The following SCART1 variants were observed in gnomAD, a reference collection of about 807,000 sequenced individuals.
The protein encoded by SCART1 is scavenger receptor cysteine-rich domain-containing protein SCART1.
A neutral mutation model predicts 36.2 loss-of-function variants in SCART1; 62 were observed. The observed-to-expected ratio is 1.71, with a 90% CI of 1.40 to 2.12. The LOEUF is 2.12. Ranked by LOEUF, SCART1 falls within the 30% of genes most tolerant of loss-of-function variation. SCART1 has a pLI of 0.00. For missense variants in SCART1, 1,041 were observed against 540.5 expected (o/e 1.93, Z -9.18); for synonymous variants, 487 against 238.7 (o/e 2.04, Z -9.59).
chr10:133,466,626 CT>C (rs1471701793), intron 10 of SCART1, among the ~76,000 whole-genome samples: 2 of 152,248 alleles, frequency 1.3e-5, no homozygotes, highest in African/African-American at 2.4e-5. Context: ...TGGATGGCCT[CT>C]AGCTGAGACG....
At chr10:133,455,369 A>C (rs1850595792) in intron 1 of SCART1, among the ~76,000 whole-genome samples, 1 of 152,038 alleles carries the variant, frequency 6.6e-6, no homozygotes, top group Non-Finnish European at 1.5e-5. Context: ...ATGGATGAAG[A>C]CTGAGAGAGA....
chr10:133,465,758 C>A (rs1321225418), intron 9 of SCART1, 193 bp downstream of exon 9: 1 of 667,862 alleles, frequency 1.5e-6, no homozygotes, highest in Non-Finnish European at 2.7e-6. Context: ...CCTGGGGTTT[C>A]CCCCTAATCT....
intron 1 of SCART1, among the ~76,000 whole-genome samples, chr10:133,455,803 A>T (rs1438146107): frequency 2.0e-5 from 3 of 151,834 alleles, no homozygotes; most frequent in Non-Finnish European, 2.9e-5. Flanking sequence ...AGAGGACAGG[A>T]CCGAAGGGTG....
At chr10:133,465,051 C>A in intron 7 of SCART1, 55 bp from the exon 8 acceptor site, 1 of 702,330 alleles carries the variant, frequency 1.4e-6, no homozygotes, top group Non-Finnish European at 2.6e-6. Flanking sequence ...CCACAGCCTT[C>A]CTTGTGAAGC....
intron 3 of SCART1, chr10:133,457,878 C>G (rs191243013): frequency 4.9e-5 from 26 of 532,442 alleles, no homozygotes; most frequent in Admixed American, 2.8e-4. Context: ...TAACATGGAT[C>G]GGGGTTGGGT....
chr10:133,467,411 C>A, intron 11 of SCART1, 58 bp downstream of exon 11: 1 of 656,666 alleles, frequency 1.5e-6, no homozygotes, highest in Non-Finnish European at 2.8e-6. Flanking sequence ...ATGCTGACCA[C>A]AAGATGCAGT....
chr10:133,459,214 G>T, exon 5 of SCART1: 1 of 700,908 alleles, frequency 1.4e-6, no homozygotes, highest in Non-Finnish European at 2.6e-6. Flanking sequence ...CTGCCATCTG[G>T]CCTGATGCCT....
chr10:133,456,462 G>A (rs760408125), exon 2 of SCART1: 17 of 702,006 alleles, frequency 2.4e-5, no homozygotes, highest in South Asian at 8.9e-5. Flanking sequence ...GTGTCCTGCC[G>A]GGGCAACGAG....
chr10:133,463,799 A>G (rs1850731693), intron 6 of SCART1, among the ~76,000 whole-genome samples: 1 of 152,180 alleles, frequency 6.6e-6, no homozygotes, highest in Non-Finnish European at 1.5e-5. Context: ...CCATCATCTC[A>G]GACATGTATC....
At chr10:133,457,508 C>T in exon 3 of SCART1, 1 of 702,672 alleles carries the variant, frequency 1.4e-6, no homozygotes, top group Non-Finnish European at 2.6e-6. Flanking sequence ...CCATCCGCAG[C>T]TGCAGACTGG....
At chr10:133,458,080 T>C in intron 3 of SCART1, 1 of 649,858 alleles carries the variant, frequency 1.5e-6, no homozygotes, top group Non-Finnish European at 2.8e-6. Context: ...GCAGAGGGTG[T>C]TGCTGTCATG....
chr10:133,459,293 G>A (rs1461428229), exon 5 of SCART1: 1 of 648,194 alleles, frequency 1.5e-6, no homozygotes, highest in Non-Finnish European at 2.8e-6. Context: ...CCCGGCCTGT[G>A]CCCCGGGAAA....
chr10:133,465,858 C>A (rs1296927751), intron 9 of SCART1: 2 of 691,798 alleles, frequency 2.9e-6, no homozygotes, highest in Admixed American at 4.0e-5. Context: ...GTTCCCTGCA[C>A]CTCATTCTCT....
chr10:133,467,028 G>A, intron 10 of SCART1, 170 bp from the exon 11 acceptor site: 1 of 529,084 alleles, frequency 1.9e-6, no homozygotes, highest in Non-Finnish European at 3.3e-6. Context: ...GGCCAGGGAT[G>A]GGAGGGCACT....
At chr10:133,459,669 A>T in exon 6 of SCART1, 2 of 696,554 alleles carry the variant, frequency 2.9e-6, no homozygotes, top group Non-Finnish European at 5.2e-6. Flanking sequence ...ACCTGCCCCC[A>T]GCCGCGGATC....
chr10:133,468,782 CT>C (rs1181657128), exon 12 of SCART1: 1 of 152,108 alleles, frequency 6.6e-6, no homozygotes, highest in Non-Finnish European at 1.5e-5. Context: ...GTTAAACAAA[CT>C]TACCTTTATC....
At chr10:133,458,537 C>T (rs779660204) in exon 4 of SCART1, 29 of 675,930 alleles carry the variant, frequency 4.3e-5, no homozygotes, top group East Asian at 8.1e-5. Context: ...GGCCGGGGCT[C>T]GGGGCCGGTG....
intron 2 of SCART1, chr10:133,457,060 G>A: frequency 5.2e-6 from 3 of 577,080 alleles, no homozygotes; most frequent in Non-Finnish European, 9.1e-6. Context: ...AGTGTGAACG[G>A]ATCCTGCGGG....
chr10:133,464,795 G>C, exon 7 of SCART1: 1 of 702,602 alleles, frequency 1.4e-6, no homozygotes, highest in Non-Finnish European at 2.6e-6. Flanking sequence ...CTTCCCCTCT[G>C]CGGGCACCGG....
Sources: allele counts gnomAD v4.1 joint callset (sites outside exome capture counted in the v4.1 genomes callset), GRCh38; gene constraint gnomAD v4.1.1; transcripts MANE v1.5; gene names NCBI Gene and HGNC (gene_info 2026-07-23, HGNC 2026-07-21).